KHDRBS2: variants seen among roughly 807,000 people sequenced by gnomAD.
KHDRBS2 encodes KH RNA binding domain containing, signal transduction associated 2.
In KHDRBS2, 26 loss-of-function variants were observed where a neutral mutation model predicts 44.3. That is an observed-to-expected ratio of 0.59 (90% confidence interval 0.43 to 0.81). The LOEUF is 0.81. Among genes scored for constraint, KHDRBS2 ranks in the 40% least tolerant of loss-of-function variants. KHDRBS2 has a pLI of 0.00. For missense variants in KHDRBS2, 476 were observed against 433.1 expected (o/e 1.10, Z -0.88); for synonymous variants, 194 against 151.1 (o/e 1.28, Z -2.08).
intron 4 of KHDRBS2, among the ~76,000 whole-genome samples, chr6:61,926,695 A>G (rs776966107): frequency 1.3e-5 from 2 of 152,144 alleles, no homozygotes; most frequent in Non-Finnish European, 2.9e-5. Flanking sequence ...CTTGGTATCA[A>G]GTAGCACTGG....
intron 4 of KHDRBS2, among the ~76,000 whole-genome samples, chr6:61,945,507 T>C (rs1323615039): frequency 2.6e-5 from 4 of 152,036 alleles, no homozygotes; most frequent in African/African-American, 7.2e-5. Context: ...ACCACATCTG[T>C]ATTTTTTACT....
the KHDRBS2 span, among the ~76,000 whole-genome samples, chr6:61,571,524 T>A: frequency 3.3e-5 from 5 of 151,412 alleles, no homozygotes; most frequent in Admixed American, 1.3e-4. Flanking sequence ...AGAAAGTCAA[T>A]AAACAATGGA....
intron 6 of KHDRBS2, among the ~76,000 whole-genome samples, chr6:61,856,403 T>G (rs141405108): frequency 1.6e-4 from 24 of 152,248 alleles, no homozygotes; most frequent in Admixed American, 1.2e-3. Flanking sequence ...GTCACTTACT[T>G]ATTTTTACTC....
chr6:61,778,538 G>A (rs993057164), intron 6 of KHDRBS2, among the ~76,000 whole-genome samples: 4 of 152,088 alleles, frequency 2.6e-5, no homozygotes, highest in Non-Finnish European at 5.9e-5. Flanking sequence ...AATAAAATGG[G>A]CAGTTAAAAG....
intron 6 of KHDRBS2, among the ~76,000 whole-genome samples, chr6:61,745,548 A>G (rs1407418121): frequency 1.3e-5 from 2 of 152,178 alleles, no homozygotes; most frequent in Non-Finnish European, 2.9e-5. Flanking sequence ...AGTCAGTGGC[A>G]TAAGTCTCTA....
chr6:62,257,550 T>C (rs1299351111), intron 1 of KHDRBS2, among the ~76,000 whole-genome samples: 3 of 152,062 alleles, frequency 2.0e-5, no homozygotes, highest in African/African-American at 4.8e-5. Flanking sequence ...TTTTCAAAAG[T>C]TACTGTGAAT....
At chr6:61,734,254 C>T (rs1257198549) in intron 6 of KHDRBS2, among the ~76,000 whole-genome samples, 2 of 151,934 alleles carry the variant, frequency 1.3e-5, no homozygotes, top group East Asian at 3.9e-4. Flanking sequence ...TCTATTTGTT[C>T]CTTGAATACC....
the KHDRBS2 span, chr6:61,652,150 G>A: frequency 3.3e-5 from 5 of 152,128 alleles, no homozygotes; most frequent in East Asian, 5.8e-4. Context: ...TTTTTGTTCA[G>A]TAAAACCTAA....
intron 1 of KHDRBS2, among the ~76,000 whole-genome samples, chr6:62,264,041 C>T (rs947602050): frequency 2.0e-5 from 3 of 151,636 alleles, no homozygotes; most frequent in Admixed American, 2.0e-4. Flanking sequence ...AAACATCAAC[C>T]AGATATTATT....
intron 6 of KHDRBS2, among the ~76,000 whole-genome samples, chr6:61,816,403 C>T (rs180732493): frequency 9.2e-5 from 14 of 151,944 alleles, no homozygotes; most frequent in South Asian, 4.2e-4. Flanking sequence ...AGACATACAG[C>T]GAGAATACAT....
At chr6:62,078,509 C>A (rs971948360) in intron 2 of KHDRBS2, among the ~76,000 whole-genome samples, 1 of 151,530 alleles carries the variant, frequency 6.6e-6, no homozygotes, top group East Asian at 1.9e-4. Flanking sequence ...GACTATTTTC[C>A]CCAAAACAAA....
chr6:61,841,117 T>C (rs1793534906), intron 6 of KHDRBS2, among the ~76,000 whole-genome samples: 2 of 152,174 alleles, frequency 1.3e-5, no homozygotes. Flanking sequence ...TTTCTTATTT[T>C]TAAGGTAAAT....
chr6:61,824,411 G>C (rs779567934), intron 6 of KHDRBS2, among the ~76,000 whole-genome samples: 5 of 152,016 alleles, frequency 3.3e-5, no homozygotes, highest in Non-Finnish European at 5.9e-5. Context: ...AGATGTGCTT[G>C]CTTCCCCTCA....
At chr6:61,979,715 A>G (rs779978315) in intron 3 of KHDRBS2, among the ~76,000 whole-genome samples, 1 of 152,132 alleles carries the variant, frequency 6.6e-6, no homozygotes, top group Non-Finnish European at 1.5e-5. Flanking sequence ...GTGCCCAATT[A>G]TCAGTTTGGG....
intron 6 of KHDRBS2, among the ~76,000 whole-genome samples, chr6:61,827,264 C>T (rs1267366538): frequency 6.6e-6 from 1 of 152,186 alleles, no homozygotes; most frequent in Non-Finnish European, 1.5e-5. Context: ...CTCTCTTCCT[C>T]TAGGTTACAG....
intron 3 of KHDRBS2, among the ~76,000 whole-genome samples, chr6:62,016,122 C>CT (rs1456145505): frequency 1.1e-4 from 16 of 152,026 alleles, no homozygotes; most frequent in East Asian, 9.6e-4. Flanking sequence ...TTTTCTTTCA[C>CT]TTTTTTTCCC....
At chr6:61,782,219 AT>A (rs1377497332) in intron 6 of KHDRBS2, among the ~76,000 whole-genome samples, 3 of 152,080 alleles carry the variant, frequency 2.0e-5, no homozygotes, top group Non-Finnish European at 4.4e-5. Context: ...TAATGAATAG[AT>A]GAGGCAGCAG....
intron 6 of KHDRBS2, among the ~76,000 whole-genome samples, chr6:61,742,754 T>A (rs533829803): frequency 1.3e-5 from 2 of 152,152 alleles, no homozygotes; most frequent in East Asian, 3.9e-4. Flanking sequence ...CTCAGTGAGG[T>A]CATTAAACCT....
intron 2 of KHDRBS2, among the ~76,000 whole-genome samples, chr6:62,162,598 T>C (rs1817879224): frequency 6.6e-6 from 1 of 152,090 alleles, no homozygotes; most frequent in South Asian, 2.1e-4. Context: ...TTACTACTCA[T>C]GGCTTCCCCT....
Sources: gnomAD v4.1 joint callset for allele counts (sites outside exome capture counted in the v4.1 genomes callset) on GRCh38, gnomAD v4.1.1 for gene constraint, MANE v1.5 for transcripts, NCBI Gene and HGNC (gene_info 2026-07-23, HGNC 2026-07-21) for gene names.